CLSTN2: variants seen among roughly 807,000 people sequenced by gnomAD.
The protein encoded by CLSTN2 is calsyntenin 2.
In CLSTN2, 48 loss-of-function variants were observed where a neutral mutation model predicts 101.2. The ratio of observed to expected loss-of-function variants is 0.47; its 90% CI spans 0.38 to 0.60. The LOEUF (loss-of-function observed/expected upper bound fraction) is 0.60, where lower values mean the gene tolerates loss of function less well. Ranked by LOEUF, CLSTN2 falls within the 20% of genes least tolerant of loss-of-function variation. The pLI is 0.00. For synonymous variants in CLSTN2, 481 were observed against 463.6 expected, an observed-to-expected ratio of 1.04 and a Z score of -0.48; for missense variants, 1,160 against 1,238.2, an observed-to-expected ratio of 0.94 and a Z score of 0.95.
intron 1 of CLSTN2, among the ~76,000 whole-genome samples, chr3:140,020,958 G>T (rs1243747728): frequency 6.6e-6 from 1 of 151,960 alleles, no homozygotes. Context: ...CCGTAAAAAT[G>T]TAAACTATAA....
At chr3:140,057,181 A>C (rs1379869900) in intron 1 of CLSTN2, among the ~76,000 whole-genome samples, 3 of 152,218 alleles carry the variant, frequency 2.0e-5, no homozygotes, top group African/African-American at 7.2e-5. Flanking sequence ...TACACATCCA[A>C]AGCAATGCAC....
chr3:140,563,693 T>A (rs1935969435), intron 15 of CLSTN2, among the ~76,000 whole-genome samples: 2 of 152,210 alleles, frequency 1.3e-5, no homozygotes. Flanking sequence ...GAATTTGCAT[T>A]TAATGAACAC....
chr3:140,553,506 A>G (rs1262974975), intron 10 of CLSTN2, among the ~76,000 whole-genome samples: 2 of 152,222 alleles, frequency 1.3e-5, no homozygotes, highest in Non-Finnish European at 2.9e-5. Context: ...ACCTTGGGGA[A>G]GTGAGAATCA....
At chr3:140,554,382 T>G (rs1361144867) in intron 10 of CLSTN2, among the ~76,000 whole-genome samples, 1 of 152,214 alleles carries the variant, frequency 6.6e-6, no homozygotes, top group Non-Finnish European at 1.5e-5. Context: ...GAAAAGTTAA[T>G]ATACATTTTT....
At chr3:140,366,280 G>T (rs185667372) in intron 2 of CLSTN2, among the ~76,000 whole-genome samples, 5 of 152,346 alleles carry the variant, frequency 3.3e-5, no homozygotes, top group Admixed American at 6.5e-5. Flanking sequence ...CTGTCTGGGG[G>T]TAGGGAGAAG....
chr3:140,089,695 C>T (rs945536336), intron 1 of CLSTN2, among the ~76,000 whole-genome samples: 5 of 151,504 alleles, frequency 3.3e-5, no homozygotes, highest in Non-Finnish European at 7.4e-5. Context: ...TTACTGCAGA[C>T]GTGACTTCCC....
intron 2 of CLSTN2, among the ~76,000 whole-genome samples, chr3:140,182,429 G>T (rs1011821612): frequency 5.3e-5 from 8 of 152,180 alleles, no homozygotes. Flanking sequence ...TCCCTATCCA[G>T]CGCCTTCAGG....
intron 1 of CLSTN2, among the ~76,000 whole-genome samples, chr3:140,018,168 AGCAATTG>A (rs2007238911): frequency 1.3e-5 from 2 of 152,224 alleles, no homozygotes; most frequent in South Asian, 4.1e-4. Flanking sequence ...GTAGTGGCTG[AGCAATTG>A]GCTGTGGTCG....
intron 2 of CLSTN2, among the ~76,000 whole-genome samples, chr3:140,215,800 T>G (rs946875484): frequency 6.6e-6 from 1 of 152,216 alleles, no homozygotes; most frequent in African/African-American, 2.4e-5. Context: ...ATGTGTTAAT[T>G]CATATAAAAT....
chr3:140,333,016 A>G (rs1203242895), intron 2 of CLSTN2, among the ~76,000 whole-genome samples: 1 of 152,174 alleles, frequency 6.6e-6, no homozygotes, highest in East Asian at 1.9e-4. Flanking sequence ...ATGATCCTGC[A>G]CTGGGGTGTT....
At chr3:140,121,191 C>A (rs902413953) in intron 1 of CLSTN2, among the ~76,000 whole-genome samples, 3 of 152,120 alleles carry the variant, frequency 2.0e-5, no homozygotes, top group African/African-American at 7.2e-5. Flanking sequence ...GTTACAGGAA[C>A]CTCAAGATAG....
At chr3:140,238,676 A>G (rs1187490748) in intron 2 of CLSTN2, among the ~76,000 whole-genome samples, 1 of 152,222 alleles carries the variant, frequency 6.6e-6, no homozygotes, top group East Asian at 1.9e-4. Context: ...TCTTTTTAGA[A>G]TTAGAATGAC....
intron 1 of CLSTN2, among the ~76,000 whole-genome samples, chr3:140,152,659 C>T (rs902621076): frequency 3.9e-5 from 6 of 152,142 alleles, no homozygotes; most frequent in Admixed American, 3.9e-4. Flanking sequence ...AGTGCAGTCT[C>T]ATTTGTGGGT....
chr3:140,052,627 A>G (rs2008018389), intron 1 of CLSTN2, among the ~76,000 whole-genome samples: 1 of 152,160 alleles, frequency 6.6e-6, no homozygotes, highest in African/African-American at 2.4e-5. Context: ...GTCTCCCACC[A>G]CCACAAAGTC....
At chr3:140,482,186 T>C (rs995236325) in intron 8 of CLSTN2, among the ~76,000 whole-genome samples, 4 of 152,248 alleles carry the variant, frequency 2.6e-5, no homozygotes, top group African/African-American at 7.2e-5. Context: ...CAAAGGCCTT[T>C]TCTGCATCTA....
At chr3:140,112,911 A>C (rs2107795474) in intron 1 of CLSTN2, among the ~76,000 whole-genome samples, 1 of 152,306 alleles carries the variant, frequency 6.6e-6, no homozygotes, top group South Asian at 2.1e-4. Flanking sequence ...TTTTCATTTA[A>C]CCAAACTGAA....
At chr3:140,363,040 G>A (rs2107951260) in intron 2 of CLSTN2, among the ~76,000 whole-genome samples, 1 of 152,028 alleles carries the variant, frequency 6.6e-6, no homozygotes, top group East Asian at 1.9e-4. Context: ...GAATATTAAT[G>A]GAAGTATTAT....
rs973593793 is a variant in CLSTN2 at position 140,447,924 on chromosome 3, C to T, written c.788-595C>T. Among the ~76,000 whole-genome samples, 4 of 152,190 alleles carry T rather than the reference C, an allele frequency of 2.6e-5. No homozygotes were observed. In the East Asian group the frequency reaches 7.7e-4, roughly 29 times the overall value. ...TGTGAAATGAATGTAAGAAGGTTGC[C>T]TCCCCAGGTACTGAAATAATCTGTA... On this transcript the variant is annotated intron_variant, in intron 5 of 16. Coordinates refer to ENST00000458420, the MANE Select transcript of CLSTN2 (RefSeq NM_022131.3).
rs777898955 is a variant in CLSTN2 at position 140,403,674 on chromosome 3, A to C, written c.278A>C (p.Glu93Ala). ...ATCCATGGCCAGGAGCTGCCCTTTG[A>C]GGCTGTGGTGCTCAACAAGACATCA... ...FKIHGQELPFEAVVLNKTSGE... is the reference protein window; with the variant it reads ...FKIHGQELPFAAVVLNKTSGE... Residue 93 changes from glutamate to alanine, a missense_variant, in exon 3 of 17, where the codon GAG (glutamate) becomes GCG (alanine). Glu to Ala is a moderately radical substitution (Grantham distance 107, BLOSUM62 -1). Transcript: ENST00000458420. 1 of 1,614,068 alleles carries C rather than the reference A, an allele frequency of 6.2e-7. No homozygotes were observed. The highest frequency in any genetic ancestry group is 8.5e-7 in the Non-Finnish European group (1 of 1,179,978).
Sources: gnomAD v4.1 joint callset for allele counts (sites outside exome capture counted in the v4.1 genomes callset) on GRCh38, gnomAD v4.1.1 for gene constraint, MANE v1.5 for transcripts, NCBI Gene and HGNC (gene_info 2026-07-23, HGNC 2026-07-21) for gene names.